Variants in SNX18 observed in about 807,000 individuals in gnomAD.
SNX18 encodes sorting nexin 18.
SNX18 carries 35 observed loss-of-function variants against 48.7 expected under a neutral mutation model. The observed-to-expected ratio is 0.72, with a 90% confidence interval of 0.55 to 0.95. The LOEUF is 0.95. Ranked by LOEUF, SNX18 falls within the 40% of genes least tolerant of loss-of-function variation. SNX18 has a pLI of 0.00. For synonymous variants in SNX18, 492 were observed against 384.7 expected, an observed-to-expected ratio of 1.28 and a Z score of -3.26; for missense variants, 824 against 871.0, an observed-to-expected ratio of 0.95 and a Z score of 0.68.
chr5:54,566,324 C>G, the SNX18 span, among the ~76,000 whole-genome samples: 1 of 152,162 alleles, frequency 6.6e-6, no homozygotes, highest in Non-Finnish European at 1.5e-5. Context: ...TCAGTTTTCT[C>G]AACAAGAAAG....
At chr5:54,589,732 A>G in the SNX18 span, among the ~76,000 whole-genome samples, 2 of 152,182 alleles carry the variant, frequency 1.3e-5, no homozygotes, top group Non-Finnish European at 2.9e-5. Flanking sequence ...TCTACTGGCC[A>G]GAGGGGGAAA....
At chr5:54,529,505 C>G (rs1406382717) in intron 1 of SNX18, among the ~76,000 whole-genome samples, 1 of 152,142 alleles carries the variant, frequency 6.6e-6, no homozygotes, top group Non-Finnish European at 1.5e-5. Context: ...CTGTCTGGCC[C>G]TTAAAGAAAA....
chr5:54,604,630 T>C, the SNX18 span, among the ~76,000 whole-genome samples: 4 of 152,262 alleles, frequency 2.6e-5, no homozygotes, highest in East Asian at 7.7e-4. Flanking sequence ...TAATAGGGTG[T>C]CACTATTAAA....
At chr5:54,643,938 C>T in the SNX18 span, 1 of 152,248 alleles carries the variant, frequency 6.6e-6, no homozygotes, top group Non-Finnish European at 1.5e-5. Context: ...AGGCCGAAAT[C>T]AGTGGGCTGG....
chr5:54,637,588 G>C, the SNX18 span, among the ~76,000 whole-genome samples: 5 of 152,136 alleles, frequency 3.3e-5, no homozygotes, highest in Admixed American at 2.6e-4. Flanking sequence ...GTACATACTA[G>C]GTAACAGGTT....
At chr5:54,627,080 T>C in the SNX18 span, among the ~76,000 whole-genome samples, 1 of 152,242 alleles carries the variant, frequency 6.6e-6, no homozygotes. Flanking sequence ...GCAATGTCCA[T>C]TTCAGGATGA....
chr5:54,543,492 A>G lies in SNX18; in HGVS notation c.*60A>G. The G allele has an allele frequency of 6.4e-7, 1 of 1,572,172 alleles. No homozygotes were observed. ...AAGGATAATTTCTACAGCAGAATAA[A>G]AACTGCTGTCAAAGAGCTATTGCCA... On this transcript the variant is annotated 3_prime_UTR_variant, in exon 2 of 2. Transcript: ENST00000381410.
At chr5:54,645,162 A>G in the SNX18 span, 3 of 152,236 alleles carry the variant, frequency 2.0e-5, no homozygotes, top group African/African-American at 7.2e-5. Context: ...GTACTAAAAC[A>G]TGGTAAGAAT....
At chr5:54,613,350 A>C in the SNX18 span, among the ~76,000 whole-genome samples, 1 of 152,262 alleles carries the variant, frequency 6.6e-6, no homozygotes, top group South Asian at 2.1e-4. Context: ...TTCTCGGTGC[A>C]TCATCCCATG....
the SNX18 span, among the ~76,000 whole-genome samples, chr5:54,600,471 T>C: frequency 6.6e-6 from 1 of 152,142 alleles, no homozygotes; most frequent in African/African-American, 2.4e-5. Flanking sequence ...AGCAATCCCA[T>C]TACTGGGTAT....
At chr5:54,630,731 G>C in the SNX18 span, among the ~76,000 whole-genome samples, 1 of 151,866 alleles carries the variant, frequency 6.6e-6, no homozygotes, top group South Asian at 2.1e-4. Context: ...TTACTCTGGA[G>C]GCTGAGGCAG....
the SNX18 span, among the ~76,000 whole-genome samples, chr5:54,637,918 AGGAAACCC>A: frequency 2.2e-4 from 33 of 152,302 alleles, no homozygotes; most frequent in African/African-American, 7.5e-4. Context: ...TTCACGCAGC[AGGAAACCC>A]GGGCTGCTCT....
At chr5:54,525,893 C>G (rs1435272598) in intron 1 of SNX18, among the ~76,000 whole-genome samples, 1 of 152,182 alleles carries the variant, frequency 6.6e-6, no homozygotes, top group Non-Finnish European at 1.5e-5. Flanking sequence ...AAGCCCTTAT[C>G]AGTTGATGTG....
the SNX18 span, among the ~76,000 whole-genome samples, chr5:54,610,198 G>C: frequency 6.6e-6 from 1 of 152,260 alleles, no homozygotes; most frequent in Non-Finnish European, 1.5e-5. Context: ...TGCAAGAACA[G>C]ACTAACACAC....
chr5:54,610,773 C>T, the SNX18 span, among the ~76,000 whole-genome samples: 7 of 152,264 alleles, frequency 4.6e-5, no homozygotes, highest in East Asian at 7.7e-4. Flanking sequence ...GAGGGTGTAA[C>T]AGGGAGGGGG....
At chr5:54,634,760 T>A in the SNX18 span, among the ~76,000 whole-genome samples, 24 of 152,050 alleles carry the variant, frequency 1.6e-4, no homozygotes, top group African/African-American at 4.6e-4. Flanking sequence ...TAAAAAAAAA[T>A]TCATGACAAG....
downstream of SNX18, among the ~76,000 whole-genome samples, chr5:54,549,849 C>T (rs570716300): frequency 6.6e-6 from 1 of 152,314 alleles, no homozygotes; most frequent in East Asian, 1.9e-4. Flanking sequence ...TTTAGTGCCT[C>T]TGAGTGGCTT....
intron 1 of SNX18, among the ~76,000 whole-genome samples, chr5:54,535,154 A>G (rs779218324): frequency 1.2e-4 from 18 of 152,322 alleles, no homozygotes; most frequent in Admixed American, 2.0e-4. Flanking sequence ...TTGAGAATAT[A>G]TGTATTATAA....
At chr5:54,540,211 C>CTTT (rs58582682) in intron 1 of SNX18, among the ~76,000 whole-genome samples, 36 of 139,708 alleles carry the variant, frequency 2.6e-4, no homozygotes, top group Non-Finnish European at 3.2e-4. Context: ...TAGACTTGTT[C>CTTT]TTTTTTTTTT....
Sources: allele counts gnomAD v4.1 joint callset (sites outside exome capture counted in the v4.1 genomes callset), GRCh38; gene constraint gnomAD v4.1.1; transcripts MANE v1.5; gene names NCBI Gene and HGNC (gene_info 2026-07-23, HGNC 2026-07-21).